The following CPO variants were observed in gnomAD, a reference collection of about 807,000 sequenced individuals.
CPO encodes the protein metallocarboxypeptidase C.
Under a neutral mutation model 41.2 loss-of-function variants are expected in CPO, and 43 were observed. That is an observed-to-expected ratio of 1.04 (90% CI 0.82 to 1.35). The LOEUF (loss-of-function observed/expected upper bound fraction) is 1.35, where lower values mean the gene tolerates loss of function less well. CPO is among the 40% of genes most tolerant of loss of function. The probability of loss-of-function intolerance (pLI) is 0.00; values close to 1 mark genes in which losing one functional copy is unlikely to be tolerated. For synonymous variants in CPO, 178 were observed against 162.7 expected (o/e 1.09, Z -0.72); for missense variants, 408 against 451.7 (o/e 0.90, Z 0.88).
chr2:206,967,133 C>T (rs979602521), intron 7 of CPO, among the ~76,000 whole-genome samples: 2 of 151,848 alleles, frequency 1.3e-5, no homozygotes, highest in African/African-American at 2.4e-5. Context: ...ATATTCCGTC[C>T]GACAGGTAGA....
intron 7 of CPO, among the ~76,000 whole-genome samples, chr2:206,966,345 T>C (rs17536565): frequency 0.42 from 63,638 of 151,638 alleles, 13,482 homozygotes; most frequent in East Asian, 0.46. Context: ...AGCATGGAGT[T>C]CCATTTAAAA....
At chr2:206,945,275 C>T (rs1206297012) in intron 1 of CPO, among the ~76,000 whole-genome samples, 8 of 103,980 alleles carry the variant, frequency 7.7e-5, no homozygotes, top group Admixed American at 7.2e-4. Context: ...ATCTCTAACA[C>T]ACTTCATTGC....
intron 3 of CPO, among the ~76,000 whole-genome samples, chr2:206,958,047 T>C (rs1040897231): frequency 1.8e-4 from 27 of 152,154 alleles, no homozygotes; most frequent in African/African-American, 5.8e-4. Flanking sequence ...GGGAAGATCA[T>C]TCTTTGGGTG....
intron 1 of CPO, among the ~76,000 whole-genome samples, chr2:206,948,797 T>G (rs1693196060): frequency 6.6e-6 from 1 of 152,180 alleles, no homozygotes; most frequent in South Asian, 2.1e-4. Context: ...TATACTGTAA[T>G]GGTAAATATG....
At chr2:206,956,806 G>T (rs1384086434) in intron 3 of CPO, among the ~76,000 whole-genome samples, 1 of 152,118 alleles carries the variant, frequency 6.6e-6, no homozygotes, top group Non-Finnish European at 1.5e-5. Context: ...CCCTAAATTT[G>T]AGAGTTAACT....
intron 6 of CPO, among the ~76,000 whole-genome samples, chr2:206,961,843 G>A (rs1173201015): frequency 6.6e-6 from 1 of 151,916 alleles, no homozygotes; most frequent in East Asian, 1.9e-4. Flanking sequence ...TGTAATCCCA[G>A]CACTTTGGGG....
At chr2:206,946,687 A>G (rs1693151902) in intron 1 of CPO, among the ~76,000 whole-genome samples, 1 of 152,172 alleles carries the variant, frequency 6.6e-6, no homozygotes, top group Admixed American at 6.5e-5. Context: ...TTTGAAGATG[A>G]CATGATTATC....
intron 1 of CPO, among the ~76,000 whole-genome samples, chr2:206,943,008 T>A (rs1453162): frequency 0.16 from 24,547 of 152,108 alleles, 2,366 homozygotes; most frequent in South Asian, 0.25. Context: ...GACTCACATT[T>A]TGTAGACATT....
chr2:206,947,726 A>T (rs981574085), intron 1 of CPO, among the ~76,000 whole-genome samples: 3 of 152,236 alleles, frequency 2.0e-5, no homozygotes, highest in Non-Finnish European at 4.4e-5. Flanking sequence ...TAACTTGAAT[A>T]AAAAATTGGC....
chr2:206,964,849 G>A (rs983119044), intron 7 of CPO, among the ~76,000 whole-genome samples: 8 of 152,150 alleles, frequency 5.3e-5, no homozygotes, highest in Admixed American at 2.6e-4. Context: ...GGGGTCTTCC[G>A]CCAGCAGAAA....
chr2:206,951,692 A>C (rs1054094435), intron 2 of CPO, among the ~76,000 whole-genome samples: 2 of 152,236 alleles, frequency 1.3e-5, no homozygotes, highest in African/African-American at 4.8e-5. Flanking sequence ...TGGCTTGACC[A>C]CTTGCTGGCA....
chr2:206,951,391 C>G (rs1693260839), intron 2 of CPO, among the ~76,000 whole-genome samples: 1 of 152,152 alleles, frequency 6.6e-6, no homozygotes, highest in Non-Finnish European at 1.5e-5. Context: ...TTATGCAAAT[C>G]TTTTTTGAGG....
intron 1 of CPO, among the ~76,000 whole-genome samples, chr2:206,948,352 C>G (rs752279800): frequency 6.6e-6 from 1 of 152,096 alleles, no homozygotes; most frequent in Non-Finnish European, 1.5e-5. Flanking sequence ...CTGTATGAGT[C>G]CAACTATGTT....
intron 1 of CPO, among the ~76,000 whole-genome samples, chr2:206,943,904 T>C (rs1693092457): frequency 6.6e-6 from 1 of 152,116 alleles, no homozygotes; most frequent in Non-Finnish European, 1.5e-5. Context: ...GAATTCTCTC[T>C]CTCCTGACCT....
intron 1 of CPO, among the ~76,000 whole-genome samples, chr2:206,947,830 C>T (rs538368814): frequency 5.9e-5 from 9 of 152,078 alleles, no homozygotes; most frequent in Non-Finnish European, 1.3e-4. Flanking sequence ...TAGGGAATCA[C>T]AAATTAAAAT....
At chr2:206,946,492 A>C (rs1195052913) in intron 1 of CPO, among the ~76,000 whole-genome samples, 1 of 152,150 alleles carries the variant, frequency 6.6e-6, no homozygotes, top group Non-Finnish European at 1.5e-5. Context: ...ATCTCCAAAA[A>C]ATCTACAGTT....
intron 2 of CPO, among the ~76,000 whole-genome samples, chr2:206,951,788 ATTG>A (rs1234218570): frequency 6.6e-6 from 1 of 152,204 alleles, no homozygotes; most frequent in Non-Finnish European, 1.5e-5. Context: ...ATCTTGTAGC[ATTG>A]TTGTGAGAGT....
At chr2:206,953,807 G>A (rs914217322) in intron 2 of CPO, among the ~76,000 whole-genome samples, 1 of 152,170 alleles carries the variant, frequency 6.6e-6, no homozygotes, top group Non-Finnish European at 1.5e-5. Flanking sequence ...CTTCTGCCTG[G>A]ACACCCAGAC....
At chr2:206,967,356 TATAGATATAG>T (rs1559075311) in intron 7 of CPO, among the ~76,000 whole-genome samples, 4 of 91,106 alleles carry the variant, frequency 4.4e-5, no homozygotes, top group Non-Finnish European at 7.0e-5. Context: ...TATATAGATA[TATAGATATAG>T]ATATAGATAT....
Sources: gnomAD v4.1 joint callset for allele counts (sites outside exome capture counted in the v4.1 genomes callset) on GRCh38, gnomAD v4.1.1 for gene constraint, MANE v1.5 for transcripts, NCBI Gene and HGNC (gene_info 2026-07-23, HGNC 2026-07-21) for gene names.